EFL1: variants seen among roughly 807,000 people sequenced by gnomAD.
EFL1 encodes the protein elongation factor-like GTPase 1.
In EFL1, 76 loss-of-function variants were observed where a neutral mutation model predicts 126.7. That is an observed-to-expected ratio of 0.60 (90% CI 0.50 to 0.73). The LOEUF (loss-of-function observed/expected upper bound fraction) is 0.73. EFL1 is among the 30% of genes least tolerant of loss of function. The probability of loss-of-function intolerance (pLI) is 0.00; values close to 1 mark genes in which losing one functional copy is unlikely to be tolerated. For missense variants in EFL1, 1,128 were observed against 1,343.2 expected, an observed-to-expected ratio of 0.84 and a Z score of 2.50; for synonymous variants, 410 against 448.4, an observed-to-expected ratio of 0.91 and a Z score of 1.08.
rs567451295 is a variant in EFL1 at position 82,180,371 on chromosome 15, A to C, written c.1751-16387T>G. Reference sequence around the variant, plus strand: ...GCGATTAAACTGGCAAAAAAAAAAAAACAAAAAAAAAACAAACAAAAAAAA... The same window carrying C: ...GCGATTAAACTGGCAAAAAAAAAAACACAAAAAAAAAACAAACAAAAAAAA... On this transcript the variant is annotated intron_variant, in intron 15 of 19. Coordinates refer to ENST00000268206, the MANE Select transcript of EFL1 (RefSeq NM_024580.6). 3.3e-4 allele frequency among the ~76,000 whole-genome samples: 34 copies of C among 103,290 alleles called. 1 individual carries two copies. The highest frequency in any genetic ancestry group is 6.2e-4 in the African/African-American group (10 of 16,226). 67.8% of individuals were successfully genotyped at this position (103,290 alleles called of 152,430 possible). A position where few individuals can be genotyped will look rare whatever the true frequency, so the allele number is the denominator to read the frequency against.
intron 4 of EFL1, among the ~76,000 whole-genome samples, chr15:82,246,946 A>C (rs2074978364): frequency 6.6e-6 from 1 of 152,160 alleles, no homozygotes; most frequent in Non-Finnish European, 1.5e-5. Flanking sequence ...AACCTAGCCC[A>C]AATGCAAGGA....
At chr15:82,144,227 G>C (rs1302793712) in intron 18 of EFL1, among the ~76,000 whole-genome samples, 1 of 149,462 alleles carries the variant, frequency 6.7e-6, no homozygotes, top group Non-Finnish European at 1.5e-5. Context: ...CTGTACTCCA[G>C]CCTGGGTGAC....
At chr15:82,157,571 A>G in intron 17 of EFL1, 142 bp downstream of exon 17, 1 of 979,190 alleles carries the variant, frequency 1.0e-6, no homozygotes, top group East Asian at 2.5e-5. Context: ...CTACAATCGA[A>G]TAACTGTTCA....
intron 15 of EFL1, among the ~76,000 whole-genome samples, chr15:82,195,381 C>T (rs1227510374): frequency 6.6e-6 from 1 of 152,172 alleles, no homozygotes; most frequent in Non-Finnish European, 1.5e-5. Context: ...TATCTCATGT[C>T]TGGGCAGATT....
chr15:82,259,011 G>C (rs2141345553), intron 3 of EFL1, 77 bp downstream of exon 3: 3 of 1,328,754 alleles, frequency 2.3e-6, no homozygotes, highest in Non-Finnish European at 3.2e-6. Flanking sequence ...GATGGCTGAA[G>C]AACACAGAAA....
intron 15 of EFL1, among the ~76,000 whole-genome samples, chr15:82,211,671 A>T (rs901291615): frequency 1.4e-5 from 2 of 144,804 alleles, no homozygotes; most frequent in Non-Finnish European, 3.0e-5. Context: ...TAGCTTTGAA[A>T]AGTTGCTTTT....
chr15:82,245,862 G>A (rs1466550770), intron 4 of EFL1, among the ~76,000 whole-genome samples: 6 of 151,684 alleles, frequency 4.0e-5, no homozygotes, highest in Non-Finnish European at 7.4e-5. Flanking sequence ...TTGAGCCTAG[G>A]AGTTCTGGGC....
chr15:82,180,549 T>C (rs1246318025), intron 15 of EFL1, among the ~76,000 whole-genome samples: 4 of 152,136 alleles, frequency 2.6e-5, no homozygotes, highest in Non-Finnish European at 4.4e-5. Context: ...AGAAATCATA[T>C]GGTCAATCTG....
At chr15:82,149,746 T>C (rs548693621) in intron 18 of EFL1, among the ~76,000 whole-genome samples, 1 of 152,282 alleles carries the variant, frequency 6.6e-6, no homozygotes, top group South Asian at 2.1e-4. Context: ...AGTTGTTGCA[T>C]GGAAGAGAGA....
At chr15:82,217,529 TAAA>T (rs55892674) in intron 14 of EFL1, among the ~76,000 whole-genome samples, 2 of 145,646 alleles carry the variant, frequency 1.4e-5, no homozygotes, top group Non-Finnish European at 1.5e-5. Flanking sequence ...CTCACAAAGT[TAAA>T]AAAAAAAAGG....
chr15:82,179,517 G>C (rs1432289767), intron 15 of EFL1, among the ~76,000 whole-genome samples: 2 of 152,048 alleles, frequency 1.3e-5, no homozygotes, highest in Non-Finnish European at 2.9e-5. Flanking sequence ...ACAATCCCTG[G>C]CAGTTCTGGA....
At chr15:82,132,504 G>A (rs1418389208) in intron 19 of EFL1, among the ~76,000 whole-genome samples, 1 of 151,166 alleles carries the variant, frequency 6.6e-6, no homozygotes, top group East Asian at 2.0e-4. Context: ...TCAAAAAAGA[G>A]TCCCCGGAAG....
rs750079244 is a variant in EFL1 at position 82,138,658 on chromosome 15, C to G, written c.3174G>C (p.Glu1058Asp). ...AATGAATGGGAACTTGGATTTTTAC[C>G]TCCCAATGGCTGAATACTAGTTGTG... is the stretch of plus-strand genomic sequence containing the variant. ...ASPQLVFSHW[E>D]IIPSDPFWVP... The change falls in exon 19 of 20, where the codon GAG becomes GAC. Residue 1058 changes from glutamate to aspartate, a missense_variant and splice_region_variant. This residue lies in a region of EFL1 where 561 missense variants were observed against 641.7 expected (regional missense o/e 0.87). Coordinates refer to ENST00000268206, the MANE Select transcript of EFL1 (RefSeq NM_024580.6). 6.2e-7 allele frequency: 1 copy of G among 1,611,768 alleles called. No individual in the cohort carries two copies. The highest frequency in any genetic ancestry group is 2.2e-5 in the East Asian group (1 of 44,824).
chr15:82,236,758 A>C (rs1032065324), intron 7 of EFL1, among the ~76,000 whole-genome samples: 10 of 152,264 alleles, frequency 6.6e-5, no homozygotes, highest in Admixed American at 6.5e-4. Context: ...TAGGATCTAG[A>C]GCTAGGCAAA....
intron 15 of EFL1, chr15:82,174,494 G>T (rs2074172942): frequency 6.6e-6 from 1 of 152,198 alleles, no homozygotes; most frequent in South Asian, 2.1e-4. Flanking sequence ...ACAGGGCAAT[G>T]AACCTGGGAT....
chr15:82,246,594 A>T (rs1205186671), intron 4 of EFL1, among the ~76,000 whole-genome samples: 1 of 152,088 alleles, frequency 6.6e-6, no homozygotes, highest in Non-Finnish European at 1.5e-5. Context: ...GACAAGAAAG[A>T]CTTGAGCATG....
chr15:82,213,164 T>A (rs558976680), intron 15 of EFL1, among the ~76,000 whole-genome samples: 1 of 152,350 alleles, frequency 6.6e-6, no homozygotes, highest in South Asian at 2.1e-4. Context: ...TGGCTTTTCC[T>A]CTTCAATCCA....
intron 3 of EFL1, among the ~76,000 whole-genome samples, chr15:82,254,833 G>A (rs1259193988): frequency 1.3e-5 from 2 of 152,196 alleles, no homozygotes; most frequent in African/African-American, 4.8e-5. Flanking sequence ...GAGGAGGTTA[G>A]TCTGGTGCTT....
intron 19 of EFL1, among the ~76,000 whole-genome samples, chr15:82,132,683 G>GGGC (rs1555423082): frequency 3.4e-5 from 2 of 58,942 alleles, no homozygotes; most frequent in African/African-American, 7.6e-5. Context: ...CCAGGAATTG[G>GGGC]GGGGGGGGGG....
Sources: gnomAD v4.1 joint callset for allele counts (sites outside exome capture counted in the v4.1 genomes callset) on GRCh38, gnomAD v4.1.1 for gene constraint, gnomAD v4.1.1 regional missense constraint, MANE v1.5 for transcripts, NCBI Gene and HGNC (gene_info 2026-07-23, HGNC 2026-07-21) for gene names.